Variants in HHLA2 observed in about 807,000 individuals in gnomAD.
HHLA2 encodes HHLA2 member of B7 family.
Under a neutral mutation model 45.9 loss-of-function variants are expected in HHLA2, and 48 were observed. The ratio of observed to expected loss-of-function variants is 1.05; its 90% CI spans 0.83 to 1.33. The LOEUF (loss-of-function observed/expected upper bound fraction) is 1.33. HHLA2 is among the 40% of genes most tolerant of loss of function. The pLI is 0.00. For synonymous variants in HHLA2, 161 were observed against 173.9 expected, an observed-to-expected ratio of 0.93 and a Z score of 0.59; for missense variants, 462 against 494.3, an observed-to-expected ratio of 0.93 and a Z score of 0.62.
At chr3:108,347,499 G>A (rs1576151161) in intron 3 of HHLA2, among the ~76,000 whole-genome samples, 2 of 152,148 alleles carry the variant, frequency 1.3e-5, no homozygotes, top group Admixed American at 6.6e-5. Flanking sequence ...AAAGGCTTGG[G>A]ATGCTAGGGT....
chr3:108,353,723 T>C, exon 5 of HHLA2: 1 of 1,613,514 alleles, frequency 6.2e-7, no homozygotes, highest in Non-Finnish European at 8.5e-7. Context: ...AATTTACACC[T>C]GCTATGTAGG....
chr3:108,336,947 G>A (rs2081481442), intron 3 of HHLA2, among the ~76,000 whole-genome samples: 3 of 151,634 alleles, frequency 2.0e-5, no homozygotes. Context: ...TCATGACTTA[G>A]CGCAAAATAT....
chr3:108,336,083 A>G (rs1376467888), intron 3 of HHLA2, among the ~76,000 whole-genome samples: 2 of 152,028 alleles, frequency 1.3e-5, no homozygotes, highest in African/African-American at 2.4e-5. Flanking sequence ...TTCATACACT[A>G]TCTTGTTATC....
chr3:108,304,154 C>T (rs899359407), intron 1 of HHLA2, among the ~76,000 whole-genome samples: 8 of 152,220 alleles, frequency 5.3e-5, no homozygotes, highest in South Asian at 2.1e-4. Context: ...GTCATGTCAA[C>T]GCCATTGTTT....
At chr3:108,315,198 G>T (rs758803338) in intron 2 of HHLA2, among the ~76,000 whole-genome samples, 17 of 152,158 alleles carry the variant, frequency 1.1e-4, no homozygotes, top group Admixed American at 1.1e-3. Flanking sequence ...CCTTAGAAGA[G>T]CCTTAAGTTC....
intron 7 of HHLA2, among the ~76,000 whole-genome samples, chr3:108,360,963 C>A (rs2081975530): frequency 6.6e-6 from 1 of 152,146 alleles, no homozygotes; most frequent in East Asian, 1.9e-4. Flanking sequence ...TAAAGGATAG[C>A]CACAAACATT....
exon 5 of HHLA2, chr3:108,353,721 CCTG>C: frequency 6.2e-7 from 1 of 1,613,510 alleles, no homozygotes; most frequent in South Asian, 1.1e-5. Context: ...GGAATTTACA[CCTG>C]CTATGTAGGA....
intron 2 of HHLA2, among the ~76,000 whole-genome samples, chr3:108,321,425 G>A (rs1292308574): frequency 6.6e-6 from 1 of 152,136 alleles, no homozygotes; most frequent in Non-Finnish European, 1.5e-5. Flanking sequence ...CCTCCCGTTT[G>A]GGAGTTTGAC....
chr3:108,323,687 T>C (rs960262248), intron 2 of HHLA2, among the ~76,000 whole-genome samples: 1 of 152,184 alleles, frequency 6.6e-6, no homozygotes, highest in Non-Finnish European at 1.5e-5. Context: ...TTCATATAAC[T>C]AAAAGCCTAA....
chr3:108,367,110 G>C (rs1365807379), intron 8 of HHLA2, among the ~76,000 whole-genome samples: 1 of 152,140 alleles, frequency 6.6e-6, no homozygotes, highest in Non-Finnish European at 1.5e-5. Context: ...CTGCAGAAGA[G>C]GGTCCTGACT....
intron 3 of HHLA2, among the ~76,000 whole-genome samples, chr3:108,338,816 A>G (rs1420571869): frequency 6.6e-6 from 1 of 152,198 alleles, no homozygotes; most frequent in Non-Finnish European, 1.5e-5. Context: ...TCCCTCCAGA[A>G]TGAGATAAAA....
intron 1 of HHLA2, among the ~76,000 whole-genome samples, chr3:108,305,884 T>C (rs1485682864): frequency 6.6e-6 from 1 of 152,216 alleles, no homozygotes; most frequent in Non-Finnish European, 1.5e-5. Context: ...GTGGCAGCCA[T>C]GAAAATGTGG....
intron 3 of HHLA2, among the ~76,000 whole-genome samples, chr3:108,340,500 A>G (rs2081546094): frequency 6.6e-6 from 1 of 152,246 alleles, no homozygotes; most frequent in South Asian, 2.1e-4. Flanking sequence ...AGAAACAAAT[A>G]GAACCAAACA....
intron 1 of HHLA2, among the ~76,000 whole-genome samples, chr3:108,297,528 T>C (rs985588896): frequency 2.0e-5 from 3 of 152,212 alleles, no homozygotes; most frequent in Non-Finnish European, 2.9e-5. Flanking sequence ...TAGACTAGTA[T>C]TGCTGTGAAG....
At chr3:108,365,991 T>G (rs1349799121) in intron 8 of HHLA2, among the ~76,000 whole-genome samples, 1 of 152,218 alleles carries the variant, frequency 6.6e-6, no homozygotes, top group Admixed American at 6.5e-5. Context: ...CTTGCCTGAT[T>G]GCCCTGGCCA....
At chr3:108,353,162 TGG>T (rs2081811183) in intron 4 of HHLA2, among the ~76,000 whole-genome samples, 2 of 152,198 alleles carry the variant, frequency 1.3e-5, no homozygotes, top group East Asian at 3.8e-4. Context: ...ATTGATCAAG[TGG>T]GCAGCAAACC....
At chr3:108,343,154 A>G (rs1297561360) in intron 3 of HHLA2, among the ~76,000 whole-genome samples, 2 of 152,178 alleles carry the variant, frequency 1.3e-5, no homozygotes, top group African/African-American at 4.8e-5. Flanking sequence ...GTTTCCTAGG[A>G]GGTCAAGATA....
At chr3:108,361,640 G>A (rs2081986479) in intron 7 of HHLA2, among the ~76,000 whole-genome samples, 1 of 152,074 alleles carries the variant, frequency 6.6e-6, no homozygotes, top group African/African-American at 2.4e-5. Context: ...GATGGAAAAA[G>A]AAATTAGTGT....
chr3:108,363,386 C>A (rs1373674024), intron 8 of HHLA2, among the ~76,000 whole-genome samples: 2 of 152,138 alleles, frequency 1.3e-5, no homozygotes, highest in African/African-American at 4.8e-5. Context: ...TCCATTATCC[C>A]CCTGAGAAGG....
Sources: gnomAD v4.1 joint callset for allele counts (sites outside exome capture counted in the v4.1 genomes callset) on GRCh38, gnomAD v4.1.1 for gene constraint, MANE v1.5 for transcripts, NCBI Gene and HGNC (gene_info 2026-07-23, HGNC 2026-07-21) for gene names.